Variants in GALNT3 observed in about 807,000 individuals in gnomAD.
The protein encoded by GALNT3 is polypeptide N-acetylgalactosaminyltransferase 3, also known as GalNAc transferase 3.
GALNT3 carries 51 observed loss-of-function variants against 69.8 expected under a neutral mutation model. The ratio of observed to expected loss-of-function variants is 0.73; its 90% CI spans 0.58 to 0.92. GALNT3 has a LOEUF of 0.92. Ranked by LOEUF, GALNT3 falls within the 40% of genes least tolerant of loss-of-function variation. GALNT3 has a pLI of 0.00. For missense variants in GALNT3, 711 were observed against 760.0 expected (o/e 0.94, Z 0.76); for synonymous variants, 265 against 248.5 (o/e 1.07, Z -0.63).
chr2:165,753,739 T>C (rs1047104224), intron 9 of GALNT3, among the ~76,000 whole-genome samples: 2 of 152,084 alleles, frequency 1.3e-5, no homozygotes, highest in African/African-American at 4.8e-5. Flanking sequence ...GGCAAGTAAA[T>C]AGTAATATTT....
Position 165,749,733 on chromosome 2 carries a change from C to G in GALNT3, c.1779+9G>C, listed in dbSNP as rs1688321798. The G allele has an allele frequency of 1.9e-6, 3 of 1,612,386 alleles. No individual in the cohort carries two copies. The highest frequency in any genetic ancestry group is 1.7e-6 in the Non-Finnish European group (2 of 1,178,638). ...TAGTTAAATAGATGAATTAATTGCA[C>G]TGAGGTACCTTCTGGATCTCCCATA... On this transcript the variant is annotated intron_variant, in intron 10 of 10. Transcript: ENST00000392701.
At chr2:165,750,962 T>C (rs1358991833) in intron 9 of GALNT3, among the ~76,000 whole-genome samples, 2 of 152,134 alleles carry the variant, frequency 1.3e-5, no homozygotes, top group African/African-American at 4.8e-5. Context: ...TGGCTTTGCC[T>C]GAATTTGCCC....
chr2:165,792,635 G>T (rs1683376703), intron 1 of GALNT3, among the ~76,000 whole-genome samples: 1 of 152,094 alleles, frequency 6.6e-6, no homozygotes, highest in Non-Finnish European at 1.5e-5. Flanking sequence ...TTTAAAATGT[G>T]TGGAGATAGA....
chr2:165,774,002 C>T (rs1046774670), intron 1 of GALNT3, among the ~76,000 whole-genome samples: 1 of 152,076 alleles, frequency 6.6e-6, no homozygotes, highest in Non-Finnish European at 1.5e-5. Flanking sequence ...TGTAGTCATG[C>T]CTTCAAGATC....
chr2:165,767,088 A>C (rs1157187588), intron 2 of GALNT3, among the ~76,000 whole-genome samples: 1 of 152,188 alleles, frequency 6.6e-6, no homozygotes, highest in African/African-American at 2.4e-5. Flanking sequence ...ATTTTGGATA[A>C]ACTACCAATT....
intron 1 of GALNT3, among the ~76,000 whole-genome samples, chr2:165,774,665 T>C (rs1281524414): frequency 6.6e-6 from 1 of 152,128 alleles, no homozygotes; most frequent in African/African-American, 2.4e-5. Flanking sequence ...ATGAGAGACA[T>C]GGATAGCATC....
At chr2:165,751,388 T>C (rs1688354933) in intron 9 of GALNT3, among the ~76,000 whole-genome samples, 1 of 152,190 alleles carries the variant, frequency 6.6e-6, no homozygotes, top group Admixed American at 6.5e-5. Context: ...CAGTCATTTT[T>C]AGAACTAGTA....
intron 9 of GALNT3, 61 bp downstream of exon 9, chr2:165,754,566 C>T (rs1402449851): frequency 1.4e-5 from 17 of 1,201,274 alleles, no homozygotes; most frequent in African/African-American, 3.0e-5. Flanking sequence ...GAAAAATAGG[C>T]AACATCTCAC....
intron 6 of GALNT3, among the ~76,000 whole-genome samples, chr2:165,757,610 A>G (rs1205320660): frequency 6.6e-6 from 1 of 152,224 alleles, no homozygotes; most frequent in East Asian, 1.9e-4. Context: ...AACTACTGAC[A>G]TAGTCACTTC....
intron 1 of GALNT3, 35 bp downstream of exon 1, chr2:165,793,980 G>C (rs1683408459): frequency 1.3e-5 from 2 of 152,454 alleles, no homozygotes; most frequent in African/African-American, 4.8e-5. Flanking sequence ...GCAGCCCAGG[G>C]GTACCGCGTC....
intron 4 of GALNT3, 50 bp downstream of exon 4, chr2:165,761,855 A>G: frequency 6.3e-7 from 1 of 1,581,492 alleles, no homozygotes; most frequent in Non-Finnish European, 8.7e-7. Flanking sequence ...TTTAAATTAG[A>G]GGGAGAGGGA....
chr2:165,763,029 G>T (rs1160561160), intron 3 of GALNT3, among the ~76,000 whole-genome samples: 1 of 150,300 alleles, frequency 6.7e-6, no homozygotes, highest in Non-Finnish European at 1.5e-5. Context: ...TGGAACTCCT[G>T]AACTCAAGCT....
At chr2:165,773,611 T>C (rs1022507292) in intron 1 of GALNT3, among the ~76,000 whole-genome samples, 2 of 151,518 alleles carry the variant, frequency 1.3e-5, no homozygotes, top group Non-Finnish European at 2.9e-5. Context: ...CCAAAGTGAG[T>C]TTCCAAGAGC....
At chr2:165,756,069 T>C (rs1343532387) in intron 7 of GALNT3, among the ~76,000 whole-genome samples, 1 of 152,174 alleles carries the variant, frequency 6.6e-6, no homozygotes, top group Non-Finnish European at 1.5e-5. Context: ...GGTAAAAAGA[T>C]AGCAATCTAA....
chr2:165,753,574 A>T (rs1390172437), intron 9 of GALNT3, among the ~76,000 whole-genome samples: 3 of 152,182 alleles, frequency 2.0e-5, no homozygotes, highest in Non-Finnish European at 4.4e-5. Flanking sequence ...GCTTGAACTC[A>T]TCAGAGTATC....
intron 1 of GALNT3, among the ~76,000 whole-genome samples, chr2:165,773,946 G>A (rs1688799716): frequency 6.6e-6 from 1 of 152,176 alleles, no homozygotes; most frequent in Admixed American, 6.5e-5. Context: ...CTGGCCTAAT[G>A]GGCTTTAGTG....
chr2:165,762,283 T>G (rs1201579022), intron 3 of GALNT3, among the ~76,000 whole-genome samples: 166 of 152,302 alleles, frequency 1.1e-3, no homozygotes, highest in Admixed American at 3.5e-3. Flanking sequence ...GCATACTTAT[T>G]CTGTACACTT....
At chr2:165,765,678 C>T (rs527976093) in intron 2 of GALNT3, among the ~76,000 whole-genome samples, 30 of 152,022 alleles carry the variant, frequency 2.0e-4, no homozygotes, top group Admixed American at 4.6e-4. Flanking sequence ...TTAGTAGAGA[C>T]GGGGTTTTAC....
chr2:165,791,753 C>G (rs1278834127), intron 1 of GALNT3, among the ~76,000 whole-genome samples: 1 of 152,072 alleles, frequency 6.6e-6, no homozygotes, highest in Non-Finnish European at 1.5e-5. Context: ...AAAAAATTAA[C>G]TGTGGCTTGG....
Sources: gnomAD v4.1 joint callset for allele counts (sites outside exome capture counted in the v4.1 genomes callset) on GRCh38, gnomAD v4.1.1 for gene constraint, MANE v1.5 for transcripts, NCBI Gene and HGNC (gene_info 2026-07-23, HGNC 2026-07-21) for gene names.